Variants in MAP4K3 observed in about 807,000 individuals in gnomAD.
The protein encoded by MAP4K3 is MAPK/ERK kinase kinase kinase 3.
In MAP4K3, 94 loss-of-function variants were observed where a neutral mutation model predicts 143.5. The ratio of observed to expected loss-of-function variants is 0.65; its 90% CI spans 0.55 to 0.78. The LOEUF is 0.78. Ranked by LOEUF, MAP4K3 falls within the 30% of genes least tolerant of loss-of-function variation. MAP4K3 has a pLI of 0.00. For missense variants in MAP4K3, 1,077 were observed against 1,068.1 expected, an observed-to-expected ratio of 1.01 and a Z score of -0.12; for synonymous variants, 416 against 347.2, an observed-to-expected ratio of 1.20 and a Z score of -2.20.
intron 3 of MAP4K3, among the ~76,000 whole-genome samples, chr2:39,345,198 C>T (rs1665251500): frequency 6.6e-6 from 1 of 151,686 alleles, no homozygotes; most frequent in Admixed American, 6.6e-5. Context: ...CACAGTGAGA[C>T]TCTCATCTCT....
chr2:39,404,051 C>T (rs1572493817), intron 1 of MAP4K3, among the ~76,000 whole-genome samples: 2 of 152,068 alleles, frequency 1.3e-5, no homozygotes, highest in South Asian at 4.2e-4. Context: ...CTAAAGAGCC[C>T]TTGGGCCCTG....
chr2:39,435,276 A>T (rs756856660), intron 1 of MAP4K3, among the ~76,000 whole-genome samples: 1 of 152,086 alleles, frequency 6.6e-6, no homozygotes, highest in South Asian at 2.1e-4. Flanking sequence ...ACCTAAATCT[A>T]ATGTCACTCC....
Position 39,280,419 on chromosome 2 carries a change from T to C in MAP4K3, c.1630-63A>G, listed in dbSNP as rs1182032477. On this transcript the variant is annotated intron_variant, in intron 22 of 33. Transcript: ENST00000263881. ...AAGTAACAGTCTTTAATATATAAAA[T>C]GTAACTATTATCTATTTTAATGTGA... The C allele has an allele frequency of 6.6e-6, 6 of 904,120 alleles. 1 individual carries two copies. The East Asian group carries it at 1.3e-4, about 19-fold the overall frequency. The allele number at this position is 904,120 out of a possible 1,614,324, so 56.0% of individuals were successfully genotyped here.
intron 12 of MAP4K3, among the ~76,000 whole-genome samples, chr2:39,322,107 G>C (rs1026068361): frequency 1.3e-5 from 2 of 152,164 alleles, no homozygotes; most frequent in Non-Finnish European, 2.9e-5. Flanking sequence ...CACAGGTGTG[G>C]AGGGGCAACC....
In MAP4K3 at chr2:39,303,949, G is replaced by A. The variant is rs77868805; in HGVS notation, c.1119+3994C>T. ...AGAAAAAAATAGCATCAGTTAAGAC[G>A]GATGTGTAATATAATCTTTTAATCT... On this transcript the variant is annotated intron_variant, in intron 15 of 33. Coordinates refer to ENST00000263881, the MANE Select transcript of MAP4K3 (RefSeq NM_003618.4). Among the ~76,000 whole-genome samples, 191 of 152,232 alleles carry A rather than the reference G, an allele frequency of 1.3e-3. 1 individual carries two copies. Among genetic ancestry groups the A allele is most frequent in the South Asian group, 6.2e-3 (30 of 4,824 alleles).
chr2:39,326,235 G>A lies in MAP4K3; in HGVS notation c.573C>T (p.Tyr191=), dbSNP rs746568759. The A allele has an allele frequency of 1.2e-6, 2 of 1,613,776 alleles. No individual in the cohort carries two copies. The highest frequency in any genetic ancestry group is 2.7e-5 in the African/African-American group (2 of 74,884). Residue 191 remains tyrosine (Y), a synonymous_variant, in exon 9 of 34, where the codon TAC becomes TAT. Coordinates refer to ENST00000263881, the MANE Select transcript of MAP4K3 (RefSeq NM_003618.4). ...EVAAVERKGG[Y]NQLCDLWAVG... Reference sequence around the variant, plus strand: ...CTGCCCAGAGATCACAGAGTTGATTGTAACCCCCCTTCCTCTCAACAGCTG... The same window carrying A: ...CTGCCCAGAGATCACAGAGTTGATTATAACCCCCCTTCCTCTCAACAGCTG...
intron 28 of MAP4K3, among the ~76,000 whole-genome samples, chr2:39,261,882 C>T (rs1419750529): frequency 6.6e-6 from 1 of 151,666 alleles, no homozygotes; most frequent in African/African-American, 2.4e-5. Context: ...GGGATATGAG[C>T]TTAGATAGTA....
At chr2:39,346,356 A>G (rs1311586498) in intron 3 of MAP4K3, among the ~76,000 whole-genome samples, 2 of 152,184 alleles carry the variant, frequency 1.3e-5, no homozygotes, top group Admixed American at 6.5e-5. Context: ...CTCCAGCTTC[A>G]TATTTGTCTA....
chr2:39,253,364 C>A (rs527397186), intron 32 of MAP4K3, among the ~76,000 whole-genome samples: 11 of 152,302 alleles, frequency 7.2e-5, no homozygotes, highest in Admixed American at 5.9e-4. Context: ...GATCTCTTGA[C>A]CTTGTGATCC....
intron 2 of MAP4K3, among the ~76,000 whole-genome samples, chr2:39,361,830 T>G (rs1204456831): frequency 6.6e-6 from 1 of 152,000 alleles, no homozygotes; most frequent in African/African-American, 2.4e-5. Flanking sequence ...TATAATGACA[T>G]CTGTCAAGAT....
intron 3 of MAP4K3, among the ~76,000 whole-genome samples, chr2:39,349,514 T>G (rs186398531): frequency 6.6e-6 from 1 of 152,144 alleles, no homozygotes; most frequent in East Asian, 1.9e-4. Flanking sequence ...AACCACCGTA[T>G]AGTTAAATCA....
At chr2:39,435,858 G>A (rs1665450735) in intron 1 of MAP4K3, among the ~76,000 whole-genome samples, 1 of 152,186 alleles carries the variant, frequency 6.6e-6, no homozygotes, top group South Asian at 2.1e-4. Flanking sequence ...GCAGAACACT[G>A]GCTGCACTGT....
Position 39,325,955 on chromosome 2 carries a change from T to C in MAP4K3, c.669A>G (p.Leu223=). 7 of 1,591,882 alleles carry C rather than the reference T, an allele frequency of 4.4e-6. No homozygotes were observed. The highest frequency in any genetic ancestry group is 5.2e-6 in the Non-Finnish European group (6 of 1,163,768). The part of the protein sequence containing the change: ...PMFDLHPMRA[L]FLMTKSNFQP... ...GAAAATTGCTTTTTGTCATTAGAAA[T>C]AATGCTCTGAAAAATCAACAAATCA... is the stretch of plus-strand genomic sequence containing the variant. Residue 223 remains leucine, a synonymous_variant, in exon 10 of 34, where the codon TTA becomes TTG. Coordinates refer to ENST00000263881, the MANE Select transcript of MAP4K3 (RefSeq NM_003618.4).
At chr2:39,282,951 C>T (rs1057206907) in intron 21 of MAP4K3, among the ~76,000 whole-genome samples, 6 of 152,326 alleles carry the variant, frequency 3.9e-5, no homozygotes, top group East Asian at 3.9e-4. Context: ...TAATCCATAT[C>T]GGTCATGTAG....
At chr2:39,274,520 C>G (rs1434613881) in intron 24 of MAP4K3, among the ~76,000 whole-genome samples, 1 of 152,132 alleles carries the variant, frequency 6.6e-6, no homozygotes, top group Non-Finnish European at 1.5e-5. Context: ...GCGCCTGACC[C>G]TGAATTTTCA....
intron 31 of MAP4K3, among the ~76,000 whole-genome samples, chr2:39,255,392 C>G (rs1680304949): frequency 6.6e-6 from 1 of 152,118 alleles, no homozygotes; most frequent in African/African-American, 2.4e-5. Flanking sequence ...GGCATGTATT[C>G]AGGGAGGAAT....
intron 15 of MAP4K3, among the ~76,000 whole-genome samples, chr2:39,306,369 C>A (rs763954747): frequency 2.6e-5 from 4 of 152,184 alleles, no homozygotes; most frequent in Non-Finnish European, 5.9e-5. Flanking sequence ...TGGGTTAATT[C>A]CCAATCCTCA....
intron 1 of MAP4K3, among the ~76,000 whole-genome samples, chr2:39,397,037 C>T (rs1312238414): frequency 6.6e-6 from 1 of 152,126 alleles, no homozygotes; most frequent in African/African-American, 2.4e-5. Flanking sequence ...ATCACCCCTG[C>T]CACAATAAAT....
At chr2:39,394,009 G>T (rs1051205650) in intron 1 of MAP4K3, among the ~76,000 whole-genome samples, 1 of 152,086 alleles carries the variant, frequency 6.6e-6, no homozygotes, top group Non-Finnish European at 1.5e-5. Flanking sequence ...AAATTTCAAA[G>T]TAAATTAAAT....
Sources: gnomAD v4.1 joint callset for allele counts (sites outside exome capture counted in the v4.1 genomes callset) on GRCh38, gnomAD v4.1.1 for gene constraint, MANE v1.5 for transcripts, NCBI Gene and HGNC (gene_info 2026-07-23, HGNC 2026-07-21) for gene names.